DAP3: variants seen among roughly 807,000 people sequenced by gnomAD.
DAP3 encodes small ribosomal subunit protein mS29.
In DAP3, 28 loss-of-function variants were observed where a neutral mutation model predicts 51.9. The observed-to-expected ratio is 0.54, with a 90% CI of 0.40 to 0.74. DAP3 has a LOEUF of 0.74. DAP3 is among the 30% of genes least tolerant of loss of function. The pLI, the probability that DAP3 is intolerant of heterozygous loss-of-function variation, is 0.00. For missense variants in DAP3, 458 were observed against 483.5 expected (o/e 0.95, Z 0.49); for synonymous variants, 170 against 170.3 (o/e 1.00, Z 0.01).
At chr1:155,692,269 A>T (rs540966564) in intron 1 of DAP3, among the ~76,000 whole-genome samples, 1 of 141,674 alleles carries the variant, frequency 7.1e-6, no homozygotes, top group Non-Finnish European at 1.5e-5. Context: ...TAATGGCGAT[A>T]AGAAGGCTTT....
At chr1:155,735,356 A>G (rs891933253) in intron 11 of DAP3, among the ~76,000 whole-genome samples, 1 of 151,912 alleles carries the variant, frequency 6.6e-6, no homozygotes, top group Non-Finnish European at 1.5e-5. Flanking sequence ...CGGGCGGATC[A>G]CCTGAGGTCA....
chr1:155,730,329 G>C (rs1281818855), intron 9 of DAP3, among the ~76,000 whole-genome samples: 5 of 145,392 alleles, frequency 3.4e-5, no homozygotes, highest in South Asian at 2.1e-4. Context: ...AAACAGCAAG[G>C]CCTGGTGTGA....
At position 155,727,662 on chromosome 1, in the gene DAP3, A is replaced by G. The variant is rs762415303; in HGVS notation, c.527A>G (p.Gln176Arg). 2 of 1,613,868 alleles carry G rather than the reference A, an allele frequency of 1.2e-6. No homozygotes were observed. The highest frequency in any genetic ancestry group is 1.7e-6 in the Non-Finnish European group (2 of 1,179,928). Residue 176 changes from glutamine (Q) to arginine (R), a missense_variant, in exon 7 of 13, where the codon CAG (glutamine) becomes CGG (arginine). Gln to Arg is a conservative substitution (Grantham distance 43). Transcript: ENST00000368336. ...CTTCTGCAGTCCAGCTACAACAAAC[A>G]GCGCTTTGATCAACCTTTAGAGGCT... ...RDLLQSSYNK[Q>R]RFDQPLEAST...
At chr1:155,724,847 C>G (rs958231565) in intron 4 of DAP3, among the ~76,000 whole-genome samples, 1 of 150,456 alleles carries the variant, frequency 6.6e-6, no homozygotes, top group Non-Finnish European at 1.5e-5. Context: ...CCCAGCTACT[C>G]GGGAGGCTGA....
intron 12 of DAP3, 58 bp downstream of exon 12, chr1:155,737,121 G>A: frequency 3.3e-6 from 4 of 1,229,436 alleles, no homozygotes; most frequent in Non-Finnish European, 4.8e-6. Context: ...ATCCCACTCA[G>A]TCAGAGCCTT....
chr1:155,726,188 A>G (rs1658564145), intron 6 of DAP3, 169 bp downstream of exon 6: 1 of 453,996 alleles, frequency 2.2e-6, no homozygotes, highest in Non-Finnish European at 3.8e-6. Flanking sequence ...ATCTCAGGTC[A>G]CCGCAACCTC....
chr1:155,725,274 G>A (rs1658445158), intron 4 of DAP3, 108 bp from the exon 5 acceptor site: 3 of 842,992 alleles, frequency 3.6e-6, no homozygotes, highest in South Asian at 1.5e-5. Flanking sequence ...TAAATTAGAG[G>A]CATGCAATCT....
upstream of DAP3, chr1:155,689,071 G>C (rs1005458751): frequency 1.7e-5 from 25 of 1,498,808 alleles, no homozygotes; most frequent in South Asian, 2.9e-4. Context: ...GTTTCCTGCC[G>C]GATGACCCGA....
chr1:155,735,452 A>C (rs1156912320), intron 11 of DAP3, among the ~76,000 whole-genome samples: 1 of 150,432 alleles, frequency 6.6e-6, no homozygotes, highest in African/African-American at 2.5e-5. Flanking sequence ...TGGTGCAGGC[A>C]TGTAATGCCA....
At chr1:155,731,824 C>A in intron 10 of DAP3, 120 bp from the exon 11 acceptor site, 2 of 999,376 alleles carry the variant, frequency 2.0e-6, no homozygotes, top group South Asian at 1.8e-5. Context: ...TTTAACTGTG[C>A]TAGACCACAC....
chr1:155,696,360 T>G (rs920523618), intron 1 of DAP3, among the ~76,000 whole-genome samples: 1 of 152,198 alleles, frequency 6.6e-6, no homozygotes, highest in Non-Finnish European at 1.5e-5. Context: ...AGTTGCAATC[T>G]CCCCTCAATA....
chr1:155,727,309 G>A (rs114051952), intron 6 of DAP3, among the ~76,000 whole-genome samples: 3,521 of 151,838 alleles, frequency 0.023, 129 homozygotes, highest in African/African-American at 0.081. Context: ...TAATGATAAT[G>A]TTTAGTCTAA....
chr1:155,715,775 C>T (rs961612510), intron 2 of DAP3, among the ~76,000 whole-genome samples: 4 of 151,998 alleles, frequency 2.6e-5, no homozygotes, highest in Non-Finnish European at 2.9e-5. Flanking sequence ...ATTTGTCTAC[C>T]GAAATCCGCC....
At chr1:155,731,497 C>A in intron 10 of DAP3, 82 bp downstream of exon 10, 1 of 1,371,278 alleles carries the variant, frequency 7.3e-7, no homozygotes, top group Non-Finnish European at 1.0e-6. Context: ...ATTGCTAATA[C>A]TTTACAGTCT....
Position 155,689,917 on chromosome 1 carries a change from A to G in DAP3, c.-8+743A>G, listed in dbSNP as rs973762613. On this transcript the variant is annotated intron_variant, in intron 1 of 12. Coordinates refer to ENST00000368336, the MANE Select transcript of DAP3 (RefSeq NM_004632.4). The stretch of plus-strand genomic sequence containing the variant: ...CAAAGCGAGACTCCGTCACACACAC[A>G]CACACACACACGAAATAATAATATA... Among the ~76,000 whole-genome samples the G allele has an allele frequency of 2.5e-4, 38 of 152,188 alleles. No homozygotes were observed. In the East Asian group the frequency reaches 7.3e-3, roughly 29 times the overall value.
At chr1:155,701,036 C>T (rs1450336167) in intron 1 of DAP3, among the ~76,000 whole-genome samples, 8,591 of 77,022 alleles carry the variant, frequency 0.11, no homozygotes, top group Non-Finnish European at 0.13. Flanking sequence ...CCAGCCGCCC[C>T]CTCCGGGAGG....
chr1:155,728,434 C>T (rs1658835511), intron 7 of DAP3, among the ~76,000 whole-genome samples: 1 of 151,552 alleles, frequency 6.6e-6, no homozygotes, highest in African/African-American at 2.4e-5. Flanking sequence ...TGGTGGTGCA[C>T]GCCTGTAGGC....
rs777508861 is a variant in DAP3 at position 155,717,004 on chromosome 1, A to C, written c.46-2A>C. The C allele has an allele frequency of 6.2e-7, 1 of 1,613,274 alleles. No individual in the cohort carries two copies. Among genetic ancestry groups the C allele is most frequent in the Non-Finnish European group, 8.5e-7 (1 of 1,179,784 alleles). On this transcript the variant is annotated splice_acceptor_variant, in intron 2 of 12. Coordinates refer to ENST00000368336, the MANE Select transcript of DAP3 (RefSeq NM_004632.4). LOFTEE classifies it high-confidence loss of function. Reference sequence around the variant, plus strand: ...GTAACACTGAAATGGTTTCTCTTATAGTTGGACCCTGGGCGTTTTTTACAC... The same window carrying C: ...GTAACACTGAAATGGTTTCTCTTATCGTTGGACCCTGGGCGTTTTTTACAC...
chr1:155,706,909 A>G (rs1656059559), intron 1 of DAP3, among the ~76,000 whole-genome samples: 1 of 152,024 alleles, frequency 6.6e-6, no homozygotes, highest in South Asian at 2.1e-4. Context: ...CCTGGCCAAC[A>G]TGGTGAAACC....
Sources: allele counts gnomAD v4.1 joint callset (sites outside exome capture counted in the v4.1 genomes callset), GRCh38; gene constraint gnomAD v4.1.1; transcripts MANE v1.5; gene names NCBI Gene and HGNC (gene_info 2026-07-23, HGNC 2026-07-21).